Variants in PTPRS observed in about 807,000 individuals in gnomAD.
PTPRS encodes the protein receptor-type tyrosine-protein phosphatase S.
PTPRS carries 63 observed loss-of-function variants against 215.3 expected under a neutral mutation model. The ratio of observed to expected loss-of-function variants is 0.29; its 90% CI spans 0.24 to 0.36. PTPRS has a LOEUF of 0.36. Ranked by LOEUF, PTPRS falls within the 10% of genes least tolerant of loss-of-function variation. PTPRS has a pLI of 1.00. For missense variants in PTPRS, 2,258 were observed against 2,825.8 expected (o/e 0.80, Z 4.56); for synonymous variants, 1,404 against 1,191.4 (o/e 1.18, Z -3.68).
intron 14 of PTPRS, 135 bp from the exon 15 acceptor site, chr19:5,229,819 A>C: frequency 3.8e-6 from 2 of 525,478 alleles, no homozygotes; most frequent in Non-Finnish European, 5.7e-6. Flanking sequence ...CTTAGCGCTC[A>C]CCACCGGGCG....
intron 9 of PTPRS, among the ~76,000 whole-genome samples, chr19:5,254,497 G>T (rs2045403158): frequency 6.6e-6 from 1 of 151,874 alleles, no homozygotes; most frequent in South Asian, 2.1e-4. Flanking sequence ...AGAAGATGGG[G>T]GTGTGCATCT....
intron 1 of PTPRS, 121 bp from the exon 2 acceptor site, chr19:5,286,355 A>G (rs1050888359): frequency 1.7e-6 from 1 of 576,888 alleles, no homozygotes; most frequent in Admixed American, 2.9e-5. Context: ...GTCATGGGAC[A>G]ATGGGGAAGG....
chr19:5,210,401 C>T lies in PTPRS; in HGVS notation c.5487+68G>A. ...AACCCTTGGCCTTTGTATCCATCAC[C>T]AACCAGGGCAGCCCTTTCCAGATCA... On this transcript the variant is annotated intron_variant, in intron 35 of 37. Transcript: ENST00000262963. The surrounding 1 kb of genome is among the most constrained non-coding windows in gnomAD (Gnocchi z 4.5). The T allele has an allele frequency of 1.9e-6, 3 of 1,604,860 alleles. No homozygotes were observed. The highest frequency in any genetic ancestry group is 1.1e-5 in the South Asian group (1 of 89,650).
Position 5,268,796 on chromosome 19 carries a change from A to T in PTPRS, c.380-3600T>A, listed in dbSNP as rs529639667. Among the ~76,000 whole-genome samples the T allele has an allele frequency of 3.3e-5, 5 of 152,352 alleles. No homozygotes were observed. The East Asian group carries it at 9.7e-4, about 29-fold the overall frequency. On this transcript the variant is annotated intron_variant, in intron 4 of 37. Coordinates refer to ENST00000262963, the MANE Select transcript of PTPRS (RefSeq NM_002850.4). The stretch of plus-strand genomic sequence containing the variant: ...ACTTGTCCCAGGTCATACAGCCAGC[A>T]TGTAGCAAGGATTTGAACCCAGGCC...
In PTPRS at chr19:5,286,164, C is replaced by T. The variant is rs200817137; in HGVS notation, c.-24G>A. 9.1e-5 allele frequency: 146 copies of T among 1,611,452 alleles called. No homozygotes were observed. In the East Asian group the frequency reaches 2.2e-3, roughly 24 times the overall value. On this transcript the variant is annotated 5_prime_UTR_variant, in exon 2 of 38. Transcript: ENST00000262963. ...ATGCTTGGCAGCGACCTCCGATCTC[C>T]GCCCTGGAGGGGGATGGCCCCCCGG...
chr19:5,286,286 C>T (rs2048344932), intron 1 of PTPRS, 52 bp from the exon 2 acceptor site: 2 of 853,030 alleles, frequency 2.3e-6, no homozygotes, highest in South Asian at 1.5e-5. Context: ...TCCAGGAGAC[C>T]TTCATGGAGG....
intron 4 of PTPRS, among the ~76,000 whole-genome samples, chr19:5,270,083 T>C (rs2146505013): frequency 6.6e-6 from 1 of 152,086 alleles, no homozygotes; most frequent in Non-Finnish European, 1.5e-5. Context: ...GGTTGTTCTG[T>C]CCCAGCCTGG....
chr19:5,208,524 C>T (rs1375783791), intron 35 of PTPRS, 133 bp from the exon 36 acceptor site: 11 of 947,372 alleles, frequency 1.2e-5, no homozygotes, highest in Non-Finnish European at 3.0e-6. Flanking sequence ...TCTTGTCGCC[C>T]AGGTTGGAGT....
chr19:5,211,495 T>C (rs2040880729), intron 33 of PTPRS, 95 bp downstream of exon 33: 1 of 1,283,870 alleles, frequency 7.8e-7, no homozygotes, highest in African/African-American at 1.5e-5. Context: ...GCTACCAGTA[T>C]CTCCCCAGCT....
chr19:5,246,057 G>A lies in PTPRS; in HGVS notation c.719-12C>T, dbSNP rs2044450524. On this transcript the variant is annotated splice_polypyrimidine_tract_variant and intron_variant, in intron 9 of 37. Coordinates refer to ENST00000262963, the MANE Select transcript of PTPRS (RefSeq NM_002850.4). ...GGCCACGCGGCGGACTGGGGAGGGGGCGGCAGTGGCGGCGGGAGGGAGATG... is the reference window on the plus strand; with the variant it reads ...GGCCACGCGGCGGACTGGGGAGGGGACGGCAGTGGCGGCGGGAGGGAGATG... 2 of 1,446,386 alleles carry A rather than the reference G, an allele frequency of 1.4e-6. No homozygotes were observed. Among genetic ancestry groups the A allele is most frequent in the Non-Finnish European group, 1.8e-6 (2 of 1,092,946 alleles). The allele number at this position is 1,446,386 out of a possible 1,614,324, so 89.6% of individuals were successfully genotyped here.
intron 2 of PTPRS, among the ~76,000 whole-genome samples, chr19:5,285,685 T>C (rs1046947057): frequency 6.6e-5 from 10 of 152,114 alleles, no homozygotes; most frequent in South Asian, 2.1e-4. Context: ...TTTTCCCTCA[T>C]TGGGAAACGT....
chr19:5,333,322 AAATAAT>A (rs35174348), intron 1 of PTPRS, among the ~76,000 whole-genome samples: 7 of 143,576 alleles, frequency 4.9e-5, no homozygotes, highest in African/African-American at 7.8e-5. Context: ...AAAAATAAAT[AAATAAT>A]AATAATAATA....
At position 5,265,158 on chromosome 19, in the gene PTPRS, C is replaced by G. The variant is rs1240874162; in HGVS notation, c.418G>C (p.Gly140Arg). Reference protein sequence around the residue: ...LPSGFPNIDMGPQLKVVERTR... With the variant: ...LPSGFPNIDMRPQLKVVERTR... ...CGCTCCACCACCTTCAACTGTGGGC[C>G]CATGTCGATGTTGGGGAAGCCAGAG... Residue 140 changes from glycine (G) to arginine (R), a missense_variant, in exon 5 of 38, where the codon GGC (glycine) becomes CGC (arginine). This residue lies in a region of PTPRS where 508 missense variants were observed against 799.4 expected (regional missense o/e 0.64). Transcript: ENST00000262963. The G allele has an allele frequency of 6.2e-7, 1 of 1,613,632 alleles. No individual in the cohort carries two copies. The highest frequency in any genetic ancestry group is 8.5e-7 in the Non-Finnish European group (1 of 1,179,900).
chr19:5,258,181 C>T (rs757067137), intron 7 of PTPRS, 54 bp from the exon 8 acceptor site: 3 of 1,446,828 alleles, frequency 2.1e-6, no homozygotes, highest in Non-Finnish European at 2.9e-6. Flanking sequence ...CAGGAGTGAA[C>T]AGGGAAAGCT....
At position 5,222,076 on chromosome 19, in the gene PTPRS, A is replaced by G. The variant is rs766253358; in HGVS notation, c.3201+47T>C. 9 of 1,509,566 alleles carry G rather than the reference A, an allele frequency of 6.0e-6. No homozygotes were observed. The South Asian group carries it at 9.0e-5, about 15-fold the overall frequency. The allele number at this position is 1,509,566 out of a possible 1,614,324, so 93.5% of individuals were successfully genotyped here. On this transcript the variant is annotated intron_variant, in intron 19 of 37. Transcript: ENST00000262963. ...GAGCCTTAAGCCCTGCTGAACTACA[A>G]CCCCTGACCCTGCCTGCCTGCCTGC...
chr19:5,246,046 C>A lies in PTPRS; in HGVS notation c.719-1G>T. ...GAGAAGCGCGGGGCCACGCGGCGGACTGGGGAGGGGGCGGCAGTGGCGGCG... is the reference window on the plus strand; with the variant it reads ...GAGAAGCGCGGGGCCACGCGGCGGAATGGGGAGGGGGCGGCAGTGGCGGCG... On this transcript the variant is annotated splice_acceptor_variant, in intron 9 of 37. Coordinates refer to ENST00000262963, the MANE Select transcript of PTPRS (RefSeq NM_002850.4). LOFTEE classifies it high-confidence loss of function. 1 of 1,279,430 alleles carries A rather than the reference C, an allele frequency of 7.8e-7. No homozygotes were observed. The highest frequency in any genetic ancestry group is 1.4e-5 in the South Asian group (1 of 71,682). The allele number at this position is 1,279,430 out of a possible 1,614,324, so 79.3% of individuals were successfully genotyped here.
At chr19:5,260,470 G>A (rs1475787975) in intron 7 of PTPRS, among the ~76,000 whole-genome samples, 1 of 152,142 alleles carries the variant, frequency 6.6e-6, no homozygotes, top group African/African-American at 2.4e-5. Flanking sequence ...GTGAACCACC[G>A]CGCCCGGCCT....
intron 1 of PTPRS, among the ~76,000 whole-genome samples, chr19:5,314,116 C>T (rs2049798000): frequency 6.6e-6 from 1 of 152,132 alleles, no homozygotes; most frequent in Non-Finnish European, 1.5e-5. Flanking sequence ...CCAGCCTGGG[C>T]AACAGAGCAA....
chr19:5,265,222 G>C (rs751905225), intron 4 of PTPRS, 26 bp from the exon 5 acceptor site: 2 of 1,603,032 alleles, frequency 1.2e-6, no homozygotes, highest in Admixed American at 1.7e-5. Flanking sequence ...TGAGAGAAAT[G>C]GGCATGGTTC....
Sources: gnomAD v4.1 joint callset for allele counts (sites outside exome capture counted in the v4.1 genomes callset) on GRCh38, gnomAD v4.1.1 for gene constraint, gnomAD v4.1.1 regional missense constraint, Gnocchi (gnomAD v3.1) non-coding constraint, MANE v1.5 for transcripts, NCBI Gene and HGNC (gene_info 2026-07-23, HGNC 2026-07-21) for gene names.